The following BTBD9 variants were observed in gnomAD, a reference collection of about 807,000 sequenced individuals.
BTBD9 encodes BTB domain containing 9.
BTBD9 carries 49 observed loss-of-function variants against 64.3 expected under a neutral mutation model. The observed-to-expected ratio is 0.76, with a 90% confidence interval of 0.61 to 0.97. BTBD9 has a LOEUF of 0.97. BTBD9 is among the 50% of genes least tolerant of loss of function. The probability of loss-of-function intolerance (pLI) is 0.00; values close to 1 mark genes in which losing one functional copy is unlikely to be tolerated. For missense variants in BTBD9, 598 were observed against 762.1 expected, an observed-to-expected ratio of 0.78 and a Z score of 2.53; for synonymous variants, 260 against 274.7, an observed-to-expected ratio of 0.95 and a Z score of 0.53.
intron 6 of BTBD9, among the ~76,000 whole-genome samples, chr6:38,525,573 C>T (rs1773454356): frequency 6.6e-6 from 1 of 152,164 alleles, no homozygotes; most frequent in Non-Finnish European, 1.5e-5. Flanking sequence ...TTTGGAACTT[C>T]CTAGAGACTT....
chr6:38,291,387 A>G (rs972632692), intron 7 of BTBD9, among the ~76,000 whole-genome samples: 5 of 152,086 alleles, frequency 3.3e-5, no homozygotes, highest in Non-Finnish European at 5.9e-5. Flanking sequence ...GCTTAAGGAG[A>G]TTTTGGGTTG....
intron 6 of BTBD9, among the ~76,000 whole-genome samples, chr6:38,453,874 G>C (rs552670342): frequency 1.3e-5 from 2 of 152,140 alleles, no homozygotes; most frequent in East Asian, 3.8e-4. Flanking sequence ...TTCAAATAGT[G>C]GGCGAATGTT....
At chr6:38,405,241 G>T (rs1419110230) in intron 6 of BTBD9, among the ~76,000 whole-genome samples, 1 of 152,050 alleles carries the variant, frequency 6.6e-6, no homozygotes, top group South Asian at 2.1e-4. Flanking sequence ...GTGACTACAT[G>T]TGTATCACTC....
At chr6:38,342,941 G>A (rs548707073) in intron 7 of BTBD9, among the ~76,000 whole-genome samples, 7 of 152,164 alleles carry the variant, frequency 4.6e-5, no homozygotes, top group African/African-American at 9.7e-5. Flanking sequence ...CACCACTGCC[G>A]AGGATGAGCA....
At chr6:38,239,318 C>T (rs948749563) in intron 9 of BTBD9, among the ~76,000 whole-genome samples, 12 of 151,432 alleles carry the variant, frequency 7.9e-5, no homozygotes, top group Non-Finnish European at 1.5e-4. Flanking sequence ...CGCACGTCTG[C>T]AGTCCCAGCT....
Position 38,193,111 on chromosome 6 carries a change from T to C in BTBD9, c.1563-514A>G, listed in dbSNP as rs552671750. Reference sequence around the variant, plus strand: ...ATGTAATCATGGTGGCAGGAGTTCATAAATACATTTCCCCATCTATAAAAT... The same window carrying C: ...ATGTAATCATGGTGGCAGGAGTTCACAAATACATTTCCCCATCTATAAAAT... On this transcript the variant is annotated intron_variant, in intron 9 of 10. Coordinates refer to ENST00000481247, the MANE Select transcript of BTBD9 (RefSeq NM_001099272.2). Among the ~76,000 whole-genome samples, 3 of 152,102 alleles carry C rather than the reference T, an allele frequency of 2.0e-5. No individual in the cohort carries two copies. The East Asian group carries it at 5.8e-4, about 29-fold the overall frequency.
At chr6:38,344,799 A>G (rs974471679) in intron 7 of BTBD9, among the ~76,000 whole-genome samples, 185 bp downstream of exon 7, 16 of 152,252 alleles carry the variant, frequency 1.1e-4, no homozygotes, top group Non-Finnish European at 2.2e-4. Flanking sequence ...CATTCTTTTA[A>G]GTTCATTGGA....
chr6:38,334,598 AAC>A (rs1763811767), intron 7 of BTBD9, among the ~76,000 whole-genome samples: 1 of 144,402 alleles, frequency 6.9e-6, no homozygotes, highest in Non-Finnish European at 1.5e-5. Flanking sequence ...AACATAACAT[AAC>A]ATAACATAAC....
chr6:38,429,455 C>CAAAAAAAAAAAAAAAAAAGAAAA (rs201995368), intron 6 of BTBD9, among the ~76,000 whole-genome samples: 1 of 102,568 alleles, frequency 9.7e-6, no homozygotes, highest in Non-Finnish European at 2.0e-5. Flanking sequence ...GACTACGTCT[C>CAAAAAAAAAAAAAAAAAAGAAAA]AAAAAAAAAA....
chr6:38,633,652 T>C (rs576300994), intron 1 of BTBD9, among the ~76,000 whole-genome samples: 2 of 152,210 alleles, frequency 1.3e-5, no homozygotes, highest in South Asian at 2.1e-4. Flanking sequence ...AGCTTATGAG[T>C]TGCTGTTAAA....
chr6:38,613,943 C>G, intron 1 of BTBD9, among the ~76,000 whole-genome samples: 1 of 152,164 alleles, frequency 6.6e-6, no homozygotes, highest in Non-Finnish European at 1.5e-5. Context: ...TCCTTCCAAA[C>G]AGCTATGTCA....
chr6:38,377,974 A>G (rs1276869365), intron 6 of BTBD9, among the ~76,000 whole-genome samples: 1 of 152,166 alleles, frequency 6.6e-6, no homozygotes, highest in African/African-American at 2.4e-5. Flanking sequence ...TAGTTCAGCT[A>G]AAATCCTGCT....
chr6:38,284,612 T>A (rs73420801), intron 8 of BTBD9, among the ~76,000 whole-genome samples: 4,228 of 152,256 alleles, frequency 0.028, 189 homozygotes, highest in African/African-American at 0.096. Context: ...ATTGAATCTT[T>A]CAAGGGAAGA....
At chr6:38,231,534 G>A (rs1362334828) in intron 9 of BTBD9, among the ~76,000 whole-genome samples, 1 of 152,142 alleles carries the variant, frequency 6.6e-6, no homozygotes, top group African/African-American at 2.4e-5. Context: ...GGATAATTCT[G>A]ATTTCAAAAA....
intron 6 of BTBD9, among the ~76,000 whole-genome samples, chr6:38,397,343 A>G (rs976570269): frequency 2.6e-5 from 4 of 152,234 alleles, no homozygotes; most frequent in African/African-American, 9.6e-5. Flanking sequence ...AGTTATTGCA[A>G]TGGAGATGTA....
chr6:38,453,201 T>C (rs1340606235), intron 6 of BTBD9, among the ~76,000 whole-genome samples: 1 of 152,102 alleles, frequency 6.6e-6, no homozygotes, highest in Non-Finnish European at 1.5e-5. Context: ...ACTAATAGAG[T>C]TTAGTATTAG....
chr6:38,272,276 T>A (rs1765223362), intron 8 of BTBD9, among the ~76,000 whole-genome samples: 1 of 152,202 alleles, frequency 6.6e-6, no homozygotes, highest in Non-Finnish European at 1.5e-5. Context: ...ATATCAGTTA[T>A]AGAGGAAGAT....
rs140373285 is a variant in BTBD9, at chr6:38,556,506, AGTGTGT to A, written c.1154+21088_1154+21093del. On this transcript the variant is annotated intron_variant, in intron 6 of 10. Transcript: ENST00000481247. ...TATGGATATTATCTTTGTCCTATAA[AGTGTGT>A]GTGTGTGTGTGTGTGTGTGTGTGTG... Among the ~76,000 whole-genome samples, 521 of 137,826 alleles carry A rather than the reference AGTGTGT, an allele frequency of 3.8e-3. 8 individuals carry two copies. Among genetic ancestry groups the A allele is most frequent in the Admixed American group, 0.028 (377 of 13,440 alleles). The allele number at this position is 137,826 out of a possible 152,430, so 90.4% of individuals were successfully genotyped here. A position where few individuals can be genotyped will look rare whatever the true frequency, so the allele number is the denominator to read the frequency against.
intron 6 of BTBD9, among the ~76,000 whole-genome samples, chr6:38,446,817 C>A (rs1769298894): frequency 6.6e-6 from 1 of 151,160 alleles, no homozygotes; most frequent in African/African-American, 2.5e-5. Flanking sequence ...AAAGCCAATG[C>A]TCACTATACT....
Sources: allele counts gnomAD v4.1 joint callset (sites outside exome capture counted in the v4.1 genomes callset), GRCh38; gene constraint gnomAD v4.1.1; transcripts MANE v1.5; gene names NCBI Gene and HGNC (gene_info 2026-07-23, HGNC 2026-07-21).